Variants in COL24A1 observed in about 807,000 individuals in gnomAD.
The protein encoded by COL24A1 is collagen type XXIV alpha 1 chain, also known as collagen alpha-1(XXIV) chain.
COL24A1 carries 224 observed loss-of-function variants against 253.9 expected under a neutral mutation model. That is an observed-to-expected ratio of 0.88 (90% CI 0.79 to 0.99). The LOEUF (loss-of-function observed/expected upper bound fraction) is 0.99. COL24A1 is among the 50% of genes least tolerant of loss of function. The probability of loss-of-function intolerance (pLI) is 0.00; values close to 1 mark genes in which losing one functional copy is unlikely to be tolerated. For synonymous variants in COL24A1, 685 were observed against 673.7 expected (o/e 1.02, Z -0.26); for missense variants, 2,131 against 2,068.5 (o/e 1.03, Z -0.59).
chr1:86,022,327 T>C (rs1381155372), intron 17 of COL24A1, 34 bp from the exon 18 acceptor site: 9 of 1,575,980 alleles, frequency 5.7e-6, no homozygotes, highest in Non-Finnish European at 7.9e-6. Flanking sequence ...AGAAAGTTAT[T>C]ATACCACAAA....
chr1:85,934,683 G>T (rs1301729527), intron 24 of COL24A1, among the ~76,000 whole-genome samples: 1 of 152,096 alleles, frequency 6.6e-6, no homozygotes, highest in Non-Finnish European at 1.5e-5. Flanking sequence ...TGGCTCTGAT[G>T]GCTGGCTGCC....
chr1:85,969,604 CAAAAAAA>C (rs61128567), intron 22 of COL24A1, among the ~76,000 whole-genome samples: 2 of 27,476 alleles, frequency 7.3e-5, no homozygotes, highest in Admixed American at 8.8e-4. Context: ...GACTCTGTCT[CAAAAAAA>C]AAAAAAAAAA....
chr1:85,779,480 A>T (rs313729), intron 52 of COL24A1, among the ~76,000 whole-genome samples: 62,514 of 151,724 alleles, frequency 0.41, 13,797 homozygotes, highest in South Asian at 0.57. Context: ...AACATTCAGG[A>T]TATTAGAGTA....
intron 7 of COL24A1, 59 bp from the exon 8 acceptor site, chr1:86,063,818 G>T (rs766783704): frequency 7.8e-7 from 1 of 1,288,768 alleles, no homozygotes. Context: ...GCCAAATAAC[G>T]AAACATAGGT....
intron 43 of COL24A1, among the ~76,000 whole-genome samples, chr1:85,828,392 A>T (rs1674691323): frequency 6.6e-6 from 1 of 151,132 alleles, no homozygotes; most frequent in Non-Finnish European, 1.5e-5. Context: ...AAAAAAATGT[A>T]TATTCTGTTG....
intron 19 of COL24A1, among the ~76,000 whole-genome samples, chr1:85,992,760 C>G (rs1286502209): frequency 2.0e-5 from 3 of 152,112 alleles, no homozygotes; most frequent in Non-Finnish European, 4.4e-5. Flanking sequence ...TAAGTCCAAA[C>G]ATTTTCTCTC....
At chr1:85,886,838 A>AT (rs1250952426) in intron 32 of COL24A1, among the ~76,000 whole-genome samples, 1 of 151,948 alleles carries the variant, frequency 6.6e-6, no homozygotes, top group Non-Finnish European at 1.5e-5. Flanking sequence ...ATTTTACTTA[A>AT]TTTTTTGTTT....
At chr1:85,809,434 A>G (rs1672307247) in intron 47 of COL24A1, among the ~76,000 whole-genome samples, 1 of 152,234 alleles carries the variant, frequency 6.6e-6, no homozygotes, top group East Asian at 1.9e-4. Flanking sequence ...CCCAGGAATG[A>G]TCAAGGACAA....
chr1:85,827,090 G>C (rs750292927), intron 43 of COL24A1, among the ~76,000 whole-genome samples: 19 of 152,106 alleles, frequency 1.2e-4, no homozygotes, highest in Admixed American at 7.9e-4. Flanking sequence ...ATTATTTTGA[G>C]ATACGTCCCA....
intron 43 of COL24A1, among the ~76,000 whole-genome samples, chr1:85,832,531 C>T: frequency 6.6e-6 from 1 of 150,954 alleles, no homozygotes; most frequent in Middle Eastern, 3.4e-3. Flanking sequence ...TGGCCATTTT[C>T]ACGATATTGA....
chr1:85,896,497 G>T (rs766350162), intron 28 of COL24A1, 88 bp from the exon 29 acceptor site: 16 of 1,177,532 alleles, frequency 1.4e-5, no homozygotes, highest in Admixed American at 3.9e-5. Context: ...TGAACATGTT[G>T]ATGATTTTTT....
intron 47 of COL24A1, among the ~76,000 whole-genome samples, chr1:85,813,604 G>A (rs537855873): frequency 1.6e-5 from 2 of 128,306 alleles, no homozygotes; most frequent in African/African-American, 6.0e-5. Flanking sequence ...AGGCTGGAGT[G>A]CAGTGGCGGG....
In COL24A1 at chr1:85,781,266, G is replaced by T; in HGVS notation, c.4292C>A (p.Thr1431Asn). 2 of 1,602,948 alleles carry T rather than the reference G, an allele frequency of 1.2e-6. No individual in the cohort carries two copies. Among genetic ancestry groups the T allele is most frequent in the Non-Finnish European group, 1.7e-6 (2 of 1,175,146 alleles). Residue 1431 changes from threonine (T) to asparagine (N), a missense_variant, in exon 52 of 60, where the codon ACT becomes AAT. Thr to Asn is a moderately conservative substitution (Grantham distance 65). Transcript: ENST00000370571. ...TATACCTTCTCTGCCAAGGGGACCA[G>T]TGTTTCCCTGTTGAGGTAAAAGAAA... ...PKGPIGHRGN[T>N]GPLGREGIIG...
chr1:85,754,695 C>G (rs903368036), intron 55 of COL24A1, among the ~76,000 whole-genome samples: 1 of 151,622 alleles, frequency 6.6e-6, no homozygotes, highest in African/African-American at 2.4e-5. Context: ...TAAAAATTTA[C>G]TAGATAGGCT....
In COL24A1 at chr1:86,033,917, G is replaced by A. The variant is rs1248405700; in HGVS notation, c.1957C>T (p.Pro653Ser). The A allele has an allele frequency of 2.5e-6, 4 of 1,593,292 alleles. No homozygotes were observed. The highest frequency in any genetic ancestry group is 3.4e-6 in the Non-Finnish European group (4 of 1,171,694). Reference sequence around the variant, plus strand: ...GGGCCTCTGTCTCCAAAGTCACCTGGAAAACCCTGTCACAGGGAAAGAGGA... The same window carrying A: ...GGGCCTCTGTCTCCAAAGTCACCTGAAAAACCCTGTCACAGGGAAAGAGGA... Reference protein sequence around the residue: ...KKGFKGRQGFPGDFGDRGPAG... With the variant: ...KKGFKGRQGFSGDFGDRGPAG... The change falls in exon 13 of 60, where the codon CCA becomes TCA. Residue 653 changes from proline (P) to serine (S), a missense_variant. Transcript: ENST00000370571.
chr1:86,088,075 C>T (rs1384123062), intron 7 of COL24A1, among the ~76,000 whole-genome samples: 1 of 152,198 alleles, frequency 6.6e-6, no homozygotes, highest in Non-Finnish European at 1.5e-5. Context: ...TTATTAAGGG[C>T]TGACAATTTA....
rs182973684 is a variant in COL24A1, at chr1:85,894,240, T to C, written c.2922+1618A>G. Among the ~76,000 whole-genome samples, 327 of 152,332 alleles carry C rather than the reference T, an allele frequency of 2.1e-3. 10 individuals carry two copies. The South Asian group carries it at 0.052, about 24-fold the overall frequency. On this transcript the variant is annotated intron_variant, in intron 31 of 59. Coordinates refer to ENST00000370571, the MANE Select transcript of COL24A1 (RefSeq NM_152890.7). ...GCTAAGTAAACCTCAACAACTATTATAAATTCATATTTAATGTCCAACCAT... is the reference window on the plus strand; with the variant it reads ...GCTAAGTAAACCTCAACAACTATTACAAATTCATATTTAATGTCCAACCAT...
At chr1:85,944,179 T>C (rs1689016835) in intron 24 of COL24A1, among the ~76,000 whole-genome samples, 1 of 152,224 alleles carries the variant, frequency 6.6e-6, no homozygotes, top group Non-Finnish European at 1.5e-5. Context: ...TTATGTTCTC[T>C]ATTACAGTAT....
At chr1:85,885,673 G>A (rs1682414155) in intron 32 of COL24A1, among the ~76,000 whole-genome samples, 1 of 152,070 alleles carries the variant, frequency 6.6e-6, no homozygotes, top group African/African-American at 2.4e-5. Context: ...GGAAGGTAAT[G>A]GTTTTTAAAG....
Sources: allele counts gnomAD v4.1 joint callset (sites outside exome capture counted in the v4.1 genomes callset), GRCh38; gene constraint gnomAD v4.1.1; transcripts MANE v1.5; gene names NCBI Gene and HGNC (gene_info 2026-07-23, HGNC 2026-07-21).